Variants in JAML observed in about 807,000 individuals in gnomAD.
JAML encodes junctional adhesion molecule-like.
Under a neutral mutation model 39.3 loss-of-function variants are expected in JAML, and 25 were observed. The ratio of observed to expected loss-of-function variants is 0.64; its 90% CI spans 0.46 to 0.89. The LOEUF (loss-of-function observed/expected upper bound fraction) is 0.89. Among genes scored for constraint, JAML ranks in the 40% least tolerant of loss-of-function variants. The pLI, the probability that JAML is intolerant of heterozygous loss-of-function variation, is 0.00. For synonymous variants in JAML, 162 were observed against 179.2 expected (o/e 0.90, Z 0.77); for missense variants, 440 against 486.9 (o/e 0.90, Z 0.91).
chr11:118,201,933 A>G (rs78270838), intron 6 of JAML: 2,843 of 152,414 alleles, frequency 0.019, 31 homozygotes, highest in Middle Eastern at 0.054. Context: ...CATGTTGCAT[A>G]TGAAGGATTT....
At chr11:118,207,717 G>A (rs767155644) in intron 4 of JAML, among the ~76,000 whole-genome samples, 2 of 152,068 alleles carry the variant, frequency 1.3e-5, no homozygotes, top group Non-Finnish European at 2.9e-5. Flanking sequence ...AAAATTGTTA[G>A]GGGTTGGATC....
At chr11:118,203,822 C>T in intron 5 of JAML, 157 bp from the exon 6 acceptor site, 1 of 649,582 alleles carries the variant, frequency 1.5e-6, no homozygotes. Flanking sequence ...AAGTCATGTA[C>T]ACACACATGT....
In JAML at chr11:118,194,268, G is replaced by T. The variant is rs564654984; in HGVS notation, c.*57C>A. 21 of 1,464,146 alleles carry T rather than the reference G, an allele frequency of 1.4e-5. No individual in the cohort carries two copies. Among genetic ancestry groups the T allele is most frequent in the Non-Finnish European group, 3.8e-6 (4 of 1,044,222 alleles). The allele number at this position is 1,464,146 out of a possible 1,614,324, so 90.7% of individuals were successfully genotyped here. A position where few individuals can be genotyped will look rare whatever the true frequency, so the allele number is the denominator to read the frequency against. ...TGAAATCACTGGTAGAGTGGCCCAG[G>T]ACACACACAGGAGAGAGTCTCCACC... On this transcript the variant is annotated 3_prime_UTR_variant, in exon 10 of 10. Coordinates refer to ENST00000356289, the MANE Select transcript of JAML (RefSeq NM_001098526.2).
intron 5 of JAML, chr11:118,205,175 C>A (rs1403831675): frequency 2.6e-5 from 4 of 152,182 alleles, no homozygotes; most frequent in African/African-American, 9.7e-5. Flanking sequence ...GAGAGATGAC[C>A]TGGAATATGT....
chr11:118,203,514 C>T lies in JAML; in HGVS notation c.686G>A (p.Gly229Glu), dbSNP rs768448631. ...IMLQGVRESD[G>E]GNYTCSIHLG... ...GTGGATACTGCAGGTGTAGTTTCCT[C>T]CATCTGACTCCCTCACTCCTTGAAG... Residue 229 changes from glycine (G) to glutamate (E), a missense_variant, in exon 6 of 10, where the codon GGA (glycine) becomes GAA (glutamate). Physicochemically the swap from Gly to Glu is moderately conservative, Grantham distance 98 (BLOSUM62 -2). Transcript: ENST00000356289. The T allele has an allele frequency of 6.8e-6, 11 of 1,614,020 alleles. No individual in the cohort carries two copies. In the African/African-American group the frequency reaches 1.2e-4, roughly 18 times the overall value.
Position 118,194,052 on chromosome 11 carries a change from G to T in JAML, c.*273C>A, listed in dbSNP as rs902050953. On this transcript the variant is annotated 3_prime_UTR_variant, in exon 10 of 10. Coordinates refer to ENST00000356289, the MANE Select transcript of JAML (RefSeq NM_001098526.2). ...ACAGGAGGGTCTGATCCAACGGGGG[G>T]TTTGAGGCCACTCAGCTCAGCCTGG... 5.9e-5 allele frequency: 24 copies of T among 407,718 alleles called. No homozygotes were observed. Among genetic ancestry groups the T allele is most frequent in the East Asian group, 1.4e-4 (3 of 22,102 alleles). The allele number at this position is 407,718 out of a possible 1,614,324, so 25.3% of individuals were successfully genotyped here.
At chr11:118,199,696 T>A (rs10892224) in intron 7 of JAML, among the ~76,000 whole-genome samples, 4,498 of 42,916 alleles carry the variant, frequency 0.1, 58 homozygotes, top group Middle Eastern at 0.19. Context: ...TATTATTATT[T>A]TTTTTTTTTT....
At chr11:118,217,722 A>G (rs182251086) in intron 1 of JAML, among the ~76,000 whole-genome samples, 1 of 152,282 alleles carries the variant, frequency 6.6e-6, no homozygotes, top group Admixed American at 6.5e-5. Flanking sequence ...AATCCTCACA[A>G]CAACCCCATG....
In JAML at chr11:118,200,547, C is replaced by G; in HGVS notation, c.838G>C (p.Gly280Arg). 6.2e-7 allele frequency: 1 copy of G among 1,614,044 alleles called. No individual in the cohort carries two copies. The highest frequency in any genetic ancestry group is 1.1e-5 in the South Asian group (1 of 91,080). Reference protein sequence around the residue: ...LGGNQLVIIVGIVCATILLLP... With the variant: ...LGGNQLVIIVRIVCATILLLP... ...AGCAGGATTGTGGCACAGACAATTC[C>G]CACAATGATCACCAACTGATTACCA... Residue 280 changes from glycine to arginine, a missense_variant, in exon 7 of 10, where the codon GGA becomes CGA. Transcript: ENST00000356289.
intron 2 of JAML, chr11:118,213,192 G>A: frequency 1.5e-6 from 2 of 1,367,026 alleles, no homozygotes; most frequent in South Asian, 1.8e-5. Flanking sequence ...AGGGACCCCT[G>A]CCCATTATCT....
chr11:118,211,494 C>T (rs1007940414), intron 3 of JAML, among the ~76,000 whole-genome samples: 2 of 152,174 alleles, frequency 1.3e-5, no homozygotes, highest in South Asian at 2.1e-4. Flanking sequence ...GTGATCACCC[C>T]GCCTCAGCCT....
intron 3 of JAML, among the ~76,000 whole-genome samples, 162 bp from the exon 4 acceptor site, chr11:118,210,874 C>CT (rs1949044275): frequency 6.6e-6 from 1 of 152,180 alleles, no homozygotes; most frequent in African/African-American, 2.4e-5. Context: ...AGGCAACAGT[C>CT]TAACTTGCAC....
intron 6 of JAML, chr11:118,200,830 A>G: frequency 2.0e-6 from 1 of 490,374 alleles, no homozygotes; most frequent in Non-Finnish European, 3.7e-6. Flanking sequence ...GGTGGGTGGG[A>G]GAAGAGGCTA....
At chr11:118,194,452 T>G (rs751762986) in intron 9 of JAML, 35 bp from the exon 10 acceptor site, 2 of 1,550,052 alleles carry the variant, frequency 1.3e-6, no homozygotes, top group Non-Finnish European at 1.8e-6. Flanking sequence ...CAAAACATGC[T>G]TGTAAGAAGT....
rs1472088144 is a variant in JAML at position 118,209,899 on chromosome 11, C to T, written c.424+588G>A. Reference sequence around the variant, plus strand: ...TTTTTATTTTAGACAGAGTCTTGCTCTGTCACCCAGGCTAGAATGCAGTGG... The same window carrying T: ...TTTTTATTTTAGACAGAGTCTTGCTTTGTCACCCAGGCTAGAATGCAGTGG... On this transcript the variant is annotated intron_variant, in intron 4 of 9. Transcript: ENST00000356289. Among the ~76,000 whole-genome samples the T allele has an allele frequency of 7.9e-5, 12 of 151,372 alleles. 1 individual carries two copies. Among genetic ancestry groups the T allele is most frequent in the Admixed American group, 7.9e-4 (12 of 15,212 alleles).
Position 118,194,375 on chromosome 11 carries a change from G to C in JAML, c.1135C>G (p.Leu379Val), listed in dbSNP as rs1489165504. 6.8e-6 allele frequency: 11 copies of C among 1,614,094 alleles called. No homozygotes were observed. The highest frequency in any genetic ancestry group is 7.6e-6 in the Non-Finnish European group (9 of 1,180,022). ...PSLRSDRNNS[L>V]EKKSGGGMPK... is the part of the protein sequence containing the mutation. The stretch of plus-strand genomic sequence containing the variant: ...ATTCCCCCACCTGACTTTTTTTCAA[G>C]TGAGTTGTTCCGATCTGACCTCAGA... The change falls in exon 10 of 10, where the codon CTT (leucine) becomes GTT (valine). Residue 379 changes from leucine (L) to valine (V), a missense_variant. Physicochemically the swap from Leu to Val is conservative, Grantham distance 32. Transcript: ENST00000356289.
intron 6 of JAML, chr11:118,203,018 C>T (rs1359044640): frequency 4.4e-6 from 2 of 459,752 alleles, no homozygotes; most frequent in Admixed American, 2.3e-5. Flanking sequence ...CTGTCTCTCA[C>T]TAGCTTAGGA....
At chr11:118,209,340 A>G (rs1948994219) in intron 4 of JAML, 1 of 158,698 alleles carries the variant, frequency 6.3e-6, no homozygotes, top group African/African-American at 2.4e-5. Flanking sequence ...AGGAAAAAGG[A>G]AAAGGACTTT....
intron 6 of JAML, chr11:118,201,453 A>C (rs1483979050): frequency 6.6e-6 from 1 of 152,292 alleles, no homozygotes; most frequent in Non-Finnish European, 1.5e-5. Flanking sequence ...CGGGTCTGGC[A>C]CAAAAGTGGC....
Sources: gnomAD v4.1 joint callset for allele counts (sites outside exome capture counted in the v4.1 genomes callset) on GRCh38, gnomAD v4.1.1 for gene constraint, MANE v1.5 for transcripts, NCBI Gene and HGNC (gene_info 2026-07-23, HGNC 2026-07-21) for gene names.